Variants in DACH1 observed in about 807,000 individuals in gnomAD.
DACH1 encodes the protein dachshund homolog 1.
A neutral mutation model predicts 54.2 loss-of-function variants in DACH1; 12 were observed. That is an observed-to-expected ratio of 0.22 (90% CI 0.14 to 0.36). The LOEUF is 0.36. DACH1 is among the 10% of genes least tolerant of loss of function. The probability of loss-of-function intolerance (pLI) is 1.00; values close to 1 mark genes in which losing one functional copy is unlikely to be tolerated. For synonymous variants in DACH1, 386 were observed against 366.2 expected, an observed-to-expected ratio of 1.05 and a Z score of -0.62; for missense variants, 805 against 929.8, an observed-to-expected ratio of 0.87 and a Z score of 1.75.
At chr13:71,574,292 C>T (rs532853611) in intron 3 of DACH1, among the ~76,000 whole-genome samples, 82 of 151,996 alleles carry the variant, frequency 5.4e-4, no homozygotes, top group Non-Finnish European at 9.3e-4. Flanking sequence ...TTTAGATGTG[C>T]TCCCAAATTA....
chr13:71,802,820 G>T lies in DACH1; in HGVS notation c.848+63102C>A, dbSNP rs897611127. The stretch of plus-strand genomic sequence containing the variant: ...GTGATTATAGATATGCTAAAAGTTT[G>T]GTTGTATTAAAAGCTCACACATACA... On this transcript the variant is annotated intron_variant, in intron 1 of 10. Transcript: ENST00000613252. 1.1e-4 allele frequency among the ~76,000 whole-genome samples: 16 copies of T among 152,104 alleles called. No individual in the cohort carries two copies. The Middle Eastern group carries it at 0.017, about 162-fold the overall frequency.
At chr13:71,651,674 CTGTAT>C (rs1878687064) in intron 2 of DACH1, among the ~76,000 whole-genome samples, 5 of 135,910 alleles carry the variant, frequency 3.7e-5, no homozygotes, top group African/African-American at 1.6e-4. Flanking sequence ...GTATCTGTAT[CTGTAT>C]CTGTATATGT....
intron 10 of DACH1, among the ~76,000 whole-genome samples, chr13:71,470,261 T>C (rs545826541): frequency 3.9e-5 from 6 of 152,108 alleles, no homozygotes; most frequent in Non-Finnish European, 8.8e-5. Flanking sequence ...ATCCTGTTAA[T>C]TCAGCTATTG....
chr13:71,601,578 C>T (rs185073897), intron 3 of DACH1, among the ~76,000 whole-genome samples: 79 of 151,988 alleles, frequency 5.2e-4, no homozygotes, highest in African/African-American at 1.8e-3. Context: ...GGAGGAACAC[C>T]TGTAGGAACA....
chr13:71,562,566 A>T (rs1011277762), intron 4 of DACH1, among the ~76,000 whole-genome samples: 2 of 152,150 alleles, frequency 1.3e-5, no homozygotes, highest in Non-Finnish European at 2.9e-5. Context: ...AGATTAAGAT[A>T]TTTTGAAATC....
At chr13:71,535,273 T>C (rs992563016) in intron 6 of DACH1, among the ~76,000 whole-genome samples, 1 of 151,864 alleles carries the variant, frequency 6.6e-6, no homozygotes, top group African/African-American at 2.4e-5. Context: ...TTTTTAGATG[T>C]TATTAGACAT....
chr13:71,787,371 AT>A (rs1042220646), intron 1 of DACH1, among the ~76,000 whole-genome samples: 4 of 152,208 alleles, frequency 2.6e-5, no homozygotes, highest in African/African-American at 9.6e-5. Context: ...TCAGCATGAA[AT>A]TTTTAAAAAG....
intron 7 of DACH1, among the ~76,000 whole-genome samples, chr13:71,479,929 C>T (rs953382439): frequency 6.6e-6 from 1 of 152,146 alleles, no homozygotes; most frequent in Admixed American, 6.5e-5. Context: ...TCAAAGTCAC[C>T]ATTCAAGAGA....
chr13:71,596,620 C>T (rs1312409627), intron 3 of DACH1, among the ~76,000 whole-genome samples: 2 of 152,126 alleles, frequency 1.3e-5, no homozygotes, highest in Non-Finnish European at 2.9e-5. Context: ...CAAAGCCTAA[C>T]CCTCAAATAG....
chr13:71,771,961 T>A (rs971128990), intron 1 of DACH1, among the ~76,000 whole-genome samples: 7 of 151,272 alleles, frequency 4.6e-5, no homozygotes, highest in African/African-American at 1.7e-4. Context: ...CACAATAACG[T>A]GTTATCTAAA....
At chr13:71,721,153 G>A (rs1436420444) in intron 1 of DACH1, among the ~76,000 whole-genome samples, 3 of 152,052 alleles carry the variant, frequency 2.0e-5, no homozygotes, top group Admixed American at 6.6e-5. Flanking sequence ...ACATAGTGTC[G>A]ATGTTCAGAT....
At chr13:71,626,915 C>CA in intron 3 of DACH1, among the ~76,000 whole-genome samples, 1 of 152,064 alleles carries the variant, frequency 6.6e-6, no homozygotes, top group African/African-American at 2.4e-5. Context: ...TGTTTATCAC[C>CA]ATGCAGACTA....
intron 1 of DACH1, among the ~76,000 whole-genome samples, chr13:71,842,582 A>C (rs2138239595): frequency 6.6e-6 from 1 of 152,126 alleles, no homozygotes; most frequent in African/African-American, 2.4e-5. Context: ...AGTCTGATTA[A>C]AAAGGTTAAA....
chr13:71,735,777 T>C (rs1884086663), intron 1 of DACH1, among the ~76,000 whole-genome samples: 1 of 151,800 alleles, frequency 6.6e-6, no homozygotes, highest in Non-Finnish European at 1.5e-5. Flanking sequence ...GTCCAATTAT[T>C]TTTACTTCCC....
chr13:71,554,785 C>T (rs1316812037), intron 6 of DACH1, among the ~76,000 whole-genome samples: 1 of 151,992 alleles, frequency 6.6e-6, no homozygotes, highest in Non-Finnish European at 1.5e-5. Context: ...TTAAAACATG[C>T]CTAGATCATC....
chr13:71,669,652 C>G (rs1880092713), intron 2 of DACH1, among the ~76,000 whole-genome samples: 2 of 152,138 alleles, frequency 1.3e-5, no homozygotes, highest in Non-Finnish European at 2.9e-5. Context: ...CATTCGCTTA[C>G]TATGTTCTTC....
At chr13:71,506,984 A>T in intron 6 of DACH1, among the ~76,000 whole-genome samples, 2 of 150,842 alleles carry the variant, frequency 1.3e-5, no homozygotes, top group African/African-American at 2.4e-5. Context: ...ACCATTCAGG[A>T]CATAGGCATG....
At chr13:71,585,593 G>A (rs1353730395) in intron 3 of DACH1, among the ~76,000 whole-genome samples, 5 of 152,244 alleles carry the variant, frequency 3.3e-5, no homozygotes, top group African/African-American at 9.6e-5. Context: ...CGGTGCGTCT[G>A]GATGACAGCT....
chr13:71,646,503 T>A (rs1441059892), intron 2 of DACH1, among the ~76,000 whole-genome samples: 1 of 152,146 alleles, frequency 6.6e-6, no homozygotes, highest in East Asian at 1.9e-4. Context: ...ACATGAAGAA[T>A]TTCAGAAGTG....
Sources: allele counts gnomAD v4.1 joint callset (sites outside exome capture counted in the v4.1 genomes callset), GRCh38; gene constraint gnomAD v4.1.1; transcripts MANE v1.5; gene names NCBI Gene and HGNC (gene_info 2026-07-23, HGNC 2026-07-21).